Variants in PPM1L observed in about 807,000 individuals in gnomAD.
PPM1L encodes protein phosphatase, Mg2+/Mn2+ dependent 1L.
PPM1L carries 13 observed loss-of-function variants against 31.4 expected under a neutral mutation model. The observed-to-expected ratio is 0.41, with a 90% CI of 0.27 to 0.66. PPM1L has a LOEUF of 0.66. Ranked by LOEUF, PPM1L falls within the 30% of genes least tolerant of loss-of-function variation. PPM1L has a pLI of 0.29. For synonymous variants in PPM1L, 184 were observed against 175.4 expected, an observed-to-expected ratio of 1.05 and a Z score of -0.39; for missense variants, 326 against 453.7, an observed-to-expected ratio of 0.72 and a Z score of 2.56.
At chr3:160,786,445 T>G (rs1711935959) in intron 1 of PPM1L, among the ~76,000 whole-genome samples, 1 of 151,216 alleles carries the variant, frequency 6.6e-6, no homozygotes, top group African/African-American at 2.4e-5. Context: ...CTCGAACTCC[T>G]GACCTCGGGT....
intron 2 of PPM1L, among the ~76,000 whole-genome samples, chr3:161,045,171 T>C (rs543740204): frequency 8.5e-4 from 130 of 152,222 alleles, no homozygotes; most frequent in African/African-American, 3.1e-3. Flanking sequence ...ACAATAATAA[T>C]GGGAGACTTT....
intron 1 of PPM1L, among the ~76,000 whole-genome samples, chr3:160,830,711 C>G (rs1314227163): frequency 1.3e-5 from 2 of 152,198 alleles, no homozygotes; most frequent in East Asian, 1.9e-4. Flanking sequence ...AAACTATGAC[C>G]TAAAAATTGT....
intron 1 of PPM1L, among the ~76,000 whole-genome samples, chr3:160,785,568 T>A (rs1298397150): frequency 6.6e-6 from 1 of 152,200 alleles, no homozygotes; most frequent in Non-Finnish European, 1.5e-5. Context: ...TTTAGGCATG[T>A]GCAAATATAT....
chr3:161,013,655 A>T (rs12696113), intron 2 of PPM1L, among the ~76,000 whole-genome samples: 2 of 151,652 alleles, frequency 1.3e-5, no homozygotes, highest in Admixed American at 6.6e-5. Flanking sequence ...TTGTGTGGGA[A>T]TCTAAGTCTC....
chr3:160,978,813 G>A (rs1716696877), intron 2 of PPM1L, among the ~76,000 whole-genome samples: 1 of 151,980 alleles, frequency 6.6e-6, no homozygotes, highest in South Asian at 2.1e-4. Context: ...CTGGGTGACA[G>A]AGCAAGACCC....
intron 1 of PPM1L, among the ~76,000 whole-genome samples, chr3:160,875,901 T>A (rs547948689): frequency 6.6e-6 from 1 of 152,324 alleles, no homozygotes; most frequent in Non-Finnish European, 1.5e-5. Context: ...GGATTATCCT[T>A]AAGACTCTTG....
intron 2 of PPM1L, among the ~76,000 whole-genome samples, chr3:160,986,052 A>G (rs1326859072): frequency 2.6e-5 from 4 of 152,150 alleles, no homozygotes; most frequent in Non-Finnish European, 5.9e-5. Context: ...GATGTATTAT[A>G]TAGTAAAAAC....
Position 160,756,555 on chromosome 3 carries a change from T to C in PPM1L, c.247T>C (p.Ser83Pro). ...GCTTGATGTGCTCGAGGCCGAGTTT[T>C]CCAAGACCTGGGAGTTCAAGAACCA... ...GGLDVLEAEF[S>P]KTWEFKNHNV... is the part of the protein sequence containing the mutation. The change falls in exon 1 of 4, where the codon TCC becomes CCC. Residue 83 changes from serine to proline, a missense_variant. Around this residue, in one of 3 missense-constraint regions of PPM1L, gnomAD observed 83 missense variants for 79.4 expected, o/e 1.04. Transcript: ENST00000498165. This position sits in a 1 kb window ranked among gnomAD's most constrained non-coding sequence, Gnocchi z 6.2. 6.2e-7 allele frequency: 1 copy of C among 1,614,120 alleles called. No homozygotes were observed. The highest frequency in any genetic ancestry group is 8.5e-7 in the Non-Finnish European group (1 of 1,180,008).
At chr3:160,859,603 T>G (rs937858333) in intron 1 of PPM1L, among the ~76,000 whole-genome samples, 3 of 152,204 alleles carry the variant, frequency 2.0e-5, no homozygotes, top group African/African-American at 7.2e-5. Flanking sequence ...TCTAGCTGTA[T>G]TCACTCCTAC....
chr3:161,018,358 G>T (rs2108069666), intron 2 of PPM1L, among the ~76,000 whole-genome samples: 1 of 152,210 alleles, frequency 6.6e-6, no homozygotes, highest in African/African-American at 2.4e-5. Flanking sequence ...AATGTATTTT[G>T]TTTATTCAAT....
At chr3:160,904,782 G>C (rs6800309) in intron 1 of PPM1L, among the ~76,000 whole-genome samples, 11,334 of 152,056 alleles carry the variant, frequency 0.075, 532 homozygotes, top group African/African-American at 0.12. Flanking sequence ...GAGAGAGAGA[G>C]AGGGAGAGAG....
At chr3:161,044,677 G>T (rs933241719) in intron 2 of PPM1L, among the ~76,000 whole-genome samples, 3 of 152,116 alleles carry the variant, frequency 2.0e-5, no homozygotes, top group Non-Finnish European at 4.4e-5. Context: ...ATGCCAAAAT[G>T]TAAAGACCAT....
rs1405414603 is a variant in PPM1L, at chr3:160,874,283, T to G, written c.400-87453T>G. ...TGGTGGTGTTGAGAGTCCAGCGACA[T>G]CATTGTCTAGTTGCAGCAGTGGTGA... On this transcript the variant is annotated intron_variant, in intron 1 of 3. Transcript: ENST00000498165. Among the ~76,000 whole-genome samples, 3 of 152,214 alleles carry G rather than the reference T, an allele frequency of 2.0e-5. 1 individual carries two copies. In the South Asian group the frequency reaches 6.2e-4, roughly 32 times the overall value.
rs116606568 is a variant in PPM1L at position 161,049,211 on chromosome 3, G to A, written c.575-16192G>A. 2.6e-4 allele frequency among the ~76,000 whole-genome samples: 39 copies of A among 151,928 alleles called. No individual in the cohort carries two copies. In the South Asian group the frequency reaches 7.7e-3, roughly 30 times the overall value. The stretch of plus-strand genomic sequence containing the variant: ...GAGGATCACTTGAGGTGAGGAGATC[G>A]AGGCTGCAATGAGCCAGGATTGTGC... On this transcript the variant is annotated intron_variant, in intron 2 of 3. Transcript: ENST00000498165.
chr3:161,059,163 C>T (rs1719502694), intron 2 of PPM1L, among the ~76,000 whole-genome samples: 1 of 152,138 alleles, frequency 6.6e-6, no homozygotes, highest in South Asian at 2.1e-4. Context: ...ACAGATTGTC[C>T]TCATAATGAC....
intron 1 of PPM1L, among the ~76,000 whole-genome samples, chr3:160,865,084 T>G (rs1712042981): frequency 6.6e-6 from 1 of 152,184 alleles, no homozygotes; most frequent in Non-Finnish European, 1.5e-5. Flanking sequence ...GTTAATTCGT[T>G]TCTAATGTAT....
chr3:160,856,874 C>T (rs558121240), intron 1 of PPM1L, among the ~76,000 whole-genome samples: 1 of 149,830 alleles, frequency 6.7e-6, no homozygotes, highest in Non-Finnish European at 1.5e-5. Flanking sequence ...TTTAATTCTT[C>T]TCCCTATTTA....
chr3:160,963,944 C>T (rs1302074761), intron 2 of PPM1L, among the ~76,000 whole-genome samples: 1 of 151,992 alleles, frequency 6.6e-6, no homozygotes, highest in Non-Finnish European at 1.5e-5. Context: ...GGCCTTCCAC[C>T]AGGTTAATAC....
intron 2 of PPM1L, among the ~76,000 whole-genome samples, chr3:161,030,232 C>T (rs570316996): frequency 1.3e-5 from 2 of 152,264 alleles, no homozygotes; most frequent in African/African-American, 4.8e-5. Flanking sequence ...GGATTAGTGA[C>T]CTTATGAAAG....
Sources: allele counts gnomAD v4.1 joint callset (sites outside exome capture counted in the v4.1 genomes callset), GRCh38; gene constraint gnomAD v4.1.1; regional missense constraint gnomAD v4.1.1; non-coding constraint Gnocchi (gnomAD v3.1); transcripts MANE v1.5; gene names NCBI Gene and HGNC (gene_info 2026-07-23, HGNC 2026-07-21).